The following TMOD2 variants were observed in gnomAD, a reference collection of about 807,000 sequenced individuals.
TMOD2 encodes tropomodulin 2.
Under a neutral mutation model 39.9 loss-of-function variants are expected in TMOD2, and 22 were observed. That is an observed-to-expected ratio of 0.55 (90% CI 0.39 to 0.79). The LOEUF (loss-of-function observed/expected upper bound fraction) is 0.79. Among genes scored for constraint, TMOD2 ranks in the 30% least tolerant of loss-of-function variants. The pLI is 0.00. For missense variants in TMOD2, 386 were observed against 413.3 expected, an observed-to-expected ratio of 0.93 and a Z score of 0.57; for synonymous variants, 123 against 146.1, an observed-to-expected ratio of 0.84 and a Z score of 1.14.
At chr15:51,795,045 G>A (rs2056038221) in intron 7 of TMOD2, among the ~76,000 whole-genome samples, 1 of 152,080 alleles carries the variant, frequency 6.6e-6, no homozygotes, top group Non-Finnish European at 1.5e-5. Context: ...ATCCTTTGCA[G>A]GTAACTTGTT....
At chr15:51,763,055 C>G (rs1292903814) in intron 1 of TMOD2, among the ~76,000 whole-genome samples, 3 of 152,094 alleles carry the variant, frequency 2.0e-5, no homozygotes, top group Admixed American at 6.5e-5. Context: ...CCACCCCAAC[C>G]TCCCGAATAA....
chr15:51,760,700 G>A (rs887355207), intron 1 of TMOD2, among the ~76,000 whole-genome samples: 5 of 152,152 alleles, frequency 3.3e-5, no homozygotes, highest in African/African-American at 1.2e-4. Flanking sequence ...CAGCTACTCT[G>A]GAGGCTGAGG....
At chr15:51,782,078 C>T (rs2055934690) in intron 6 of TMOD2, among the ~76,000 whole-genome samples, 1 of 152,074 alleles carries the variant, frequency 6.6e-6, no homozygotes, top group Non-Finnish European at 1.5e-5. Context: ...TGTCTCCTTC[C>T]CCAGTGGTCA....
chr15:51,766,981 G>T (rs2055820540), intron 2 of TMOD2: 1 of 153,190 alleles, frequency 6.5e-6, no homozygotes, highest in African/African-American at 2.4e-5. Context: ...TTCCACACTG[G>T]TAAGTGTCAG....
intron 3 of TMOD2, 38 bp from the exon 4 acceptor site, chr15:51,773,674 G>C: frequency 6.4e-7 from 1 of 1,574,564 alleles, no homozygotes; most frequent in Non-Finnish European, 8.6e-7. Flanking sequence ...CAATAAGGCA[G>C]TAGTACTCAA....
intron 3 of TMOD2, among the ~76,000 whole-genome samples, chr15:51,771,806 A>T (rs1017753274): frequency 6.6e-6 from 1 of 152,188 alleles, no homozygotes; most frequent in Non-Finnish European, 1.5e-5. Flanking sequence ...GTTATTGATT[A>T]GTTGATTTCT....
Position 51,804,659 on chromosome 15 carries a change from G to A in TMOD2, c.877-1718G>A, listed in dbSNP as rs1175531855. ...ACAATCTCAGCTCACTGCAACCTCC[G>A]CCTCCCGGGTTCAAGCAATTCTCCT... On this transcript the variant is annotated intron_variant, in intron 8 of 9. Coordinates refer to ENST00000249700, the MANE Select transcript of TMOD2 (RefSeq NM_014548.4). Among the ~76,000 whole-genome samples, 9 of 151,478 alleles carry A rather than the reference G, an allele frequency of 5.9e-5. No individual in the cohort carries two copies. The East Asian group carries it at 9.8e-4, about 16-fold the overall frequency.
At chr15:51,770,246 T>A (rs2055844049) in intron 3 of TMOD2, among the ~76,000 whole-genome samples, 1 of 152,138 alleles carries the variant, frequency 6.6e-6, no homozygotes, top group South Asian at 2.1e-4. Flanking sequence ...TACTCTTCCT[T>A]CTGACGCATG....
At chr15:51,806,240 G>A in intron 8 of TMOD2, 137 bp from the exon 9 acceptor site, 1 of 877,490 alleles carries the variant, frequency 1.1e-6, no homozygotes, top group Non-Finnish European at 1.7e-6. Context: ...CTTCTCAAGT[G>A]ACGCTGTCCC....
intron 7 of TMOD2, among the ~76,000 whole-genome samples, chr15:51,795,573 G>GCTTT (rs1491199891): frequency 5.6e-3 from 189 of 33,836 alleles, no homozygotes; most frequent in East Asian, 9.7e-3. Flanking sequence ...CTGCTTGCTT[G>GCTTT]CTTGCTTTCT....
chr15:51,757,467 T>A (rs997344256), intron 1 of TMOD2, among the ~76,000 whole-genome samples: 1 of 150,774 alleles, frequency 6.6e-6, no homozygotes, highest in Non-Finnish European at 1.5e-5. Flanking sequence ...TATATTTGGA[T>A]AATAGGAAGA....
intron 7 of TMOD2, among the ~76,000 whole-genome samples, chr15:51,792,508 A>T (rs1230066096): frequency 6.6e-6 from 1 of 152,170 alleles, no homozygotes; most frequent in Non-Finnish European, 1.5e-5. Context: ...CAATCTTAAT[A>T]ACTGGACATA....
chr15:51,766,664 A>T, intron 2 of TMOD2, 97 bp downstream of exon 2: 1 of 1,344,358 alleles, frequency 7.4e-7, no homozygotes. Context: ...TTAGCTCGGA[A>T]TGCACATTTT....
chr15:51,762,117 C>T (rs1390596860), intron 1 of TMOD2, among the ~76,000 whole-genome samples: 1 of 149,754 alleles, frequency 6.7e-6, no homozygotes, highest in African/African-American at 2.5e-5. Context: ...CCACTGCACT[C>T]CAGCCTGGGT....
At position 51,809,211 on chromosome 15, in the gene TMOD2, T is replaced by C. The variant is rs141697578; in HGVS notation, c.*757T>C. Reference sequence around the variant, plus strand: ...ACTTTAAAGGCTATTTACAAAGCTGTTTTAAAGTTTTTCAAACATGATAGA... The same window carrying C: ...ACTTTAAAGGCTATTTACAAAGCTGCTTTAAAGTTTTTCAAACATGATAGA... On this transcript the variant is annotated 3_prime_UTR_variant, in exon 10 of 10. Transcript: ENST00000249700. 20 of 152,754 alleles carry C rather than the reference T, an allele frequency of 1.3e-4. No homozygotes were observed. In the East Asian group the frequency reaches 3.9e-3, roughly 30 times the overall value. The allele number at this position is 152,754 out of a possible 1,614,324, so 9.5% of individuals were successfully genotyped here.
chr15:51,771,105 C>T (rs757991069), intron 3 of TMOD2, among the ~76,000 whole-genome samples: 1 of 152,074 alleles, frequency 6.6e-6, no homozygotes, highest in Admixed American at 6.5e-5. Context: ...GAGTTAGGAA[C>T]GTAGGAGCTG....
At chr15:51,803,710 C>G (rs553990036) in intron 8 of TMOD2, among the ~76,000 whole-genome samples, 2 of 152,238 alleles carry the variant, frequency 1.3e-5, no homozygotes, top group East Asian at 3.9e-4. Flanking sequence ...GCACATTTGA[C>G]AAAGGGCTAA....
At position 51,781,131 on chromosome 15, in the gene TMOD2, C is replaced by G. The variant is rs1184072372; in HGVS notation, c.581C>G (p.Ala194Gly). 1.9e-6 allele frequency: 3 copies of G among 1,612,514 alleles called. No homozygotes were observed. Among genetic ancestry groups the G allele is most frequent in the African/African-American group, 2.7e-5 (2 of 74,850 alleles). Residue 194 changes from alanine (A) to glycine (G), a missense_variant, in exon 6 of 10, where the codon GCC (alanine) becomes GGC (glycine). Coordinates refer to ENST00000249700, the MANE Select transcript of TMOD2 (RefSeq NM_014548.4). ...GAAATAAGCCTGCAGCAGATGAAAG[C>G]CAATGATCCTAGCTTGCAAGAAGTC... ...NVEISLQQMK[A>G]NDPSLQEVNL...
chr15:51,780,895 T>A (rs1296929936), intron 5 of TMOD2, 149 bp from the exon 6 acceptor site: 16 of 634,156 alleles, frequency 2.5e-5, no homozygotes, highest in Admixed American at 6.8e-5. Context: ...ACCACTCCCA[T>A]GCTTGCTTAG....
Sources: allele counts gnomAD v4.1 joint callset (sites outside exome capture counted in the v4.1 genomes callset), GRCh38; gene constraint gnomAD v4.1.1; transcripts MANE v1.5; gene names NCBI Gene and HGNC (gene_info 2026-07-23, HGNC 2026-07-21).